NRXN1: variants seen among roughly 807,000 people sequenced by gnomAD.
NRXN1 encodes neurexin-1.
Under a neutral mutation model 150.9 loss-of-function variants are expected in NRXN1, and 39 were observed. That is an observed-to-expected ratio of 0.26 (90% CI 0.20 to 0.34). NRXN1 has a LOEUF of 0.34. NRXN1 is among the 10% of genes least tolerant of loss of function. The pLI is 1.00. For missense variants in NRXN1, 1,815 were observed against 1,949.9 expected (o/e 0.93, Z 1.30); for synonymous variants, 924 against 757.0 (o/e 1.22, Z -3.62).
chr2:49,966,187 T>G (rs1180556856), intron 21 of NRXN1, among the ~76,000 whole-genome samples: 1 of 152,162 alleles, frequency 6.6e-6, no homozygotes, highest in Non-Finnish European at 1.5e-5. Flanking sequence ...CCCCCATACC[T>G]TCGTTTTCAC....
Position 49,924,678 on chromosome 2 carries a change from T to C in NRXN1, c.4217-2427A>G, listed in dbSNP as rs542204861. The stretch of plus-strand genomic sequence containing the variant: ...ACTAGCCAAATTGTTGCTTAAGTCA[T>C]ATGAGGCCTAAAAATATCTCTACAC... On this transcript the variant is annotated intron_variant, in intron 22 of 22. Transcript: ENST00000401669. Among the ~76,000 whole-genome samples the C allele has an allele frequency of 7.2e-5, 11 of 152,294 alleles. No individual in the cohort carries two copies. The South Asian group carries it at 2.3e-3, about 32-fold the overall frequency.
chr2:50,865,183 G>T lies in NRXN1; in HGVS notation c.832+56686C>A, dbSNP rs1676707846. Among the ~76,000 whole-genome samples, 6 of 152,036 alleles carry T rather than the reference G, an allele frequency of 3.9e-5. No individual in the cohort carries two copies. The South Asian group carries it at 1.2e-3, about 32-fold the overall frequency. On this transcript the variant is annotated intron_variant, in intron 5 of 22. Transcript: ENST00000401669. ...TCTACAGACAGGTGAAACGACAGAA[G>T]ACAGCTAGGAACAGTGCAAGAAATA...
chr2:50,157,228 T>G (rs1334986845), intron 18 of NRXN1, among the ~76,000 whole-genome samples: 2 of 152,102 alleles, frequency 1.3e-5, no homozygotes, highest in East Asian at 3.9e-4. Context: ...AAGATATGCA[T>G]GCATTCCCAA....
chr2:51,021,677 T>G (rs1669640340), intron 2 of NRXN1, among the ~76,000 whole-genome samples: 1 of 152,014 alleles, frequency 6.6e-6, no homozygotes, highest in South Asian at 2.1e-4. Flanking sequence ...TATGTGTAAA[T>G]AACTTTAATG....
intron 17 of NRXN1, among the ~76,000 whole-genome samples, chr2:50,350,743 C>T (rs2078350826): frequency 6.6e-6 from 1 of 152,126 alleles, no homozygotes; most frequent in African/African-American, 2.4e-5. Context: ...CCTCACTCCC[C>T]TGCCTGTCTT....
At chr2:50,810,187 C>A (rs996804266) in intron 5 of NRXN1, among the ~76,000 whole-genome samples, 1 of 152,166 alleles carries the variant, frequency 6.6e-6, no homozygotes, top group Admixed American at 6.6e-5. Context: ...TGAGGTCCAA[C>A]TAATTCCAAG....
intron 5 of NRXN1, among the ~76,000 whole-genome samples, chr2:50,683,888 A>T (rs1276711384): frequency 6.6e-6 from 1 of 151,416 alleles, no homozygotes; most frequent in African/African-American, 2.4e-5. Context: ...AAATGGTAAA[A>T]GGAGCAAGAA....
At chr2:50,188,858 C>T (rs1035131853) in intron 18 of NRXN1, among the ~76,000 whole-genome samples, 1 of 152,132 alleles carries the variant, frequency 6.6e-6, no homozygotes, top group Admixed American at 6.6e-5. Flanking sequence ...ATTGAAAAGT[C>T]AGCAAACAAC....
intron 13 of NRXN1, among the ~76,000 whole-genome samples, chr2:50,503,680 T>A (rs2092072996): frequency 6.6e-6 from 1 of 152,138 alleles, no homozygotes; most frequent in Non-Finnish European, 1.5e-5. Context: ...AAAATAATCA[T>A]TTTTTGTAAC....
intron 17 of NRXN1, among the ~76,000 whole-genome samples, chr2:50,298,915 G>A (rs1011391068): frequency 2.0e-5 from 3 of 152,102 alleles, no homozygotes; most frequent in Non-Finnish European, 4.4e-5. Context: ...ATTTCAGATA[G>A]TACATGCTCT....
chr2:50,354,391 C>A (rs1422603356), intron 17 of NRXN1, among the ~76,000 whole-genome samples: 1 of 151,580 alleles, frequency 6.6e-6, no homozygotes, highest in Non-Finnish European at 1.5e-5. Flanking sequence ...TGGCCTTGGG[C>A]AGGTTATTTA....
At position 50,402,994 on chromosome 2, in the gene NRXN1, C is replaced by A. The variant is rs367595770; in HGVS notation, c.3364+62448G>T. On this transcript the variant is annotated intron_variant, in intron 17 of 22. Transcript: ENST00000401669. ...CAAAACAAATATTAATGTAAGGGTG[C>A]GGATTGGGGGAGACACTTCCATTAA... 2.6e-4 allele frequency among the ~76,000 whole-genome samples: 39 copies of A among 152,092 alleles called. No homozygotes were observed. The East Asian group carries it at 4.8e-3, about 19-fold the overall frequency.
intron 5 of NRXN1, among the ~76,000 whole-genome samples, chr2:50,871,008 TAA>T (rs1335885938): frequency 6.6e-6 from 1 of 151,958 alleles, no homozygotes; most frequent in African/African-American, 2.4e-5. Flanking sequence ...ATGTGCATTG[TAA>T]AAGTGTTAAT....
chr2:50,635,539 T>A (rs1683111436), intron 5 of NRXN1, among the ~76,000 whole-genome samples: 2 of 152,094 alleles, frequency 1.3e-5, no homozygotes, highest in African/African-American at 4.8e-5. Context: ...CAGAAAGGCA[T>A]AGGGCAGGCC....
At chr2:50,332,065 C>A (rs973251348) in intron 17 of NRXN1, among the ~76,000 whole-genome samples, 3 of 152,122 alleles carry the variant, frequency 2.0e-5, no homozygotes, top group Non-Finnish European at 4.4e-5. Flanking sequence ...GTTTGTATTA[C>A]ATCTCTTCAA....
intron 17 of NRXN1, among the ~76,000 whole-genome samples, chr2:50,403,945 G>T (rs906978930): frequency 4.6e-5 from 7 of 152,056 alleles, no homozygotes; most frequent in Non-Finnish European, 2.9e-5. Flanking sequence ...GTTCTGAGTT[G>T]TTGGAAGTGG....
At chr2:50,561,913 C>T (rs372025799) in intron 8 of NRXN1, among the ~76,000 whole-genome samples, 3 of 152,100 alleles carry the variant, frequency 2.0e-5, no homozygotes, top group Admixed American at 1.3e-4. Flanking sequence ...ATGATCTTGC[C>T]GAAAGTTATC....
At chr2:50,479,767 CTTTTTTTTT>C (rs35301086) in intron 15 of NRXN1, among the ~76,000 whole-genome samples, 2 of 79,864 alleles carry the variant, frequency 2.5e-5, no homozygotes, top group South Asian at 1.2e-3. Context: ...ATTTCTTTTT[CTTTTTTTTT>C]TTTTTTTTTT....
chr2:50,779,000 T>C (rs1704006378), intron 5 of NRXN1, among the ~76,000 whole-genome samples: 1 of 152,184 alleles, frequency 6.6e-6, no homozygotes, highest in Non-Finnish European at 1.5e-5. Context: ...TATGTCTCTG[T>C]ACCTATATAC....
Sources: gnomAD v4.1 joint callset for allele counts (sites outside exome capture counted in the v4.1 genomes callset) on GRCh38, gnomAD v4.1.1 for gene constraint, MANE v1.5 for transcripts, NCBI Gene and HGNC (gene_info 2026-07-23, HGNC 2026-07-21) for gene names.